Variants in DOCK2 observed in about 807,000 individuals in gnomAD.
DOCK2 encodes dedicator of cytokinesis 2, also known as dedicator of cytokinesis protein 2.
A neutral mutation model predicts 248.9 loss-of-function variants in DOCK2; 87 were observed. The ratio of observed to expected loss-of-function variants is 0.35; its 90% CI spans 0.29 to 0.42. The LOEUF (loss-of-function observed/expected upper bound fraction) is 0.42, where lower values mean the gene tolerates loss of function less well. Ranked by LOEUF, DOCK2 falls within the 10% of genes least tolerant of loss-of-function variation. The pLI is 1.00. For missense variants in DOCK2, 1,747 were observed against 2,300.2 expected, an observed-to-expected ratio of 0.76 and a Z score of 4.92; for synonymous variants, 805 against 821.6, an observed-to-expected ratio of 0.98 and a Z score of 0.35.
chr5:169,925,335 T>C (rs954088642), intron 27 of DOCK2, among the ~76,000 whole-genome samples: 1 of 152,032 alleles, frequency 6.6e-6, no homozygotes. Context: ...GAGCATCGTC[T>C]TGTTGAGAGG....
At chr5:169,963,790 G>A (rs1777187845) in intron 27 of DOCK2, among the ~76,000 whole-genome samples, 1 of 152,014 alleles carries the variant, frequency 6.6e-6, no homozygotes, top group Non-Finnish European at 1.5e-5. Context: ...GCTCTCTAAG[G>A]CCCTGGCTCT....
chr5:170,005,242 T>C (rs1166350830), intron 30 of DOCK2, among the ~76,000 whole-genome samples: 1 of 152,086 alleles, frequency 6.6e-6, no homozygotes, highest in Non-Finnish European at 1.5e-5. Flanking sequence ...TATTCACAGT[T>C]TCCAGGCAGT....
intron 27 of DOCK2, among the ~76,000 whole-genome samples, chr5:169,858,201 A>T (rs1770995876): frequency 6.6e-6 from 1 of 152,244 alleles, no homozygotes; most frequent in Non-Finnish European, 1.5e-5. Flanking sequence ...TTCCTTAGGA[A>T]GACTTCAGTC....
chr5:169,889,241 C>T (rs1355449258), intron 27 of DOCK2, among the ~76,000 whole-genome samples: 1 of 152,232 alleles, frequency 6.6e-6, no homozygotes, highest in Non-Finnish European at 1.5e-5. Context: ...AATTAATTCA[C>T]TTCCAACATT....
At chr5:169,780,295 A>ATG (rs3138738) in intron 25 of DOCK2, among the ~76,000 whole-genome samples, 5,157 of 137,672 alleles carry the variant, frequency 0.037, 107 homozygotes, top group African/African-American at 0.056. Context: ...AACCCAATAA[A>ATG]TGTGTGTGTG....
intron 27 of DOCK2, among the ~76,000 whole-genome samples, chr5:169,976,198 T>A (rs1400377985): frequency 6.6e-6 from 1 of 152,204 alleles, no homozygotes; most frequent in Admixed American, 6.5e-5. Flanking sequence ...GAACAATGAA[T>A]AAATGGACAC....
At chr5:169,743,754 C>G (rs1763455547) in intron 22 of DOCK2, among the ~76,000 whole-genome samples, 1 of 151,114 alleles carries the variant, frequency 6.6e-6, no homozygotes, top group African/African-American at 2.4e-5. Context: ...TCCTGTGACT[C>G]TTCTTCCCAT....
At position 169,681,841 on chromosome 5, in the gene DOCK2, G is replaced by A; in HGVS notation, c.568G>A (p.Ala190Thr). 1 of 1,613,962 alleles carries A rather than the reference G, an allele frequency of 6.2e-7. No individual in the cohort carries two copies. The highest frequency in any genetic ancestry group is 8.5e-7 in the Non-Finnish European group (1 of 1,179,922). ...CAGCTTGTTCCATGCACATGAGGAA[G>A]CAACTGATAAAATCACAGAGCGTAT... is the stretch of plus-strand genomic sequence containing the variant. ...VISLFHAHEEATDKITERIKE... is the reference protein window; with the variant it reads ...VISLFHAHEETTDKITERIKE... Residue 190 changes from alanine (A) to threonine (T), a missense_variant, in exon 7 of 52, where the codon GCA becomes ACA. Around this residue, in one of 4 missense-constraint regions of DOCK2, gnomAD observed 375 missense variants for 510.9 expected, o/e 0.73. Coordinates refer to ENST00000520908, the MANE Select transcript of DOCK2 (RefSeq NM_004946.3).
At chr5:169,647,175 T>G (rs1018664399) in intron 1 of DOCK2, among the ~76,000 whole-genome samples, 2 of 152,236 alleles carry the variant, frequency 1.3e-5, no homozygotes, top group Non-Finnish European at 1.5e-5. Flanking sequence ...CTCTGTAGAA[T>G]GCAAGCTCTA....
intron 27 of DOCK2, among the ~76,000 whole-genome samples, chr5:169,978,265 G>A (rs1326726694): frequency 6.6e-6 from 1 of 151,786 alleles, no homozygotes; most frequent in Non-Finnish European, 1.5e-5. Flanking sequence ...GCATGGGCAG[G>A]CAGCACCCAT....
At chr5:169,999,605 A>T (rs552794307) in intron 30 of DOCK2, among the ~76,000 whole-genome samples, 4 of 152,276 alleles carry the variant, frequency 2.6e-5, no homozygotes, top group African/African-American at 9.6e-5. Context: ...CCAACATTAC[A>T]AAATAAAGTA....
At chr5:170,011,906 G>T (rs1362432368) in intron 32 of DOCK2, among the ~76,000 whole-genome samples, 1 of 152,176 alleles carries the variant, frequency 6.6e-6, no homozygotes, top group Admixed American at 6.5e-5. Flanking sequence ...GAGAATGAAG[G>T]AGCAGGTCTG....
chr5:169,971,949 A>G (rs1777522504), intron 27 of DOCK2, among the ~76,000 whole-genome samples: 1 of 152,186 alleles, frequency 6.6e-6, no homozygotes, highest in Non-Finnish European at 1.5e-5. Flanking sequence ...TTCTCAGTAT[A>G]TATACTACCA....
At chr5:169,924,656 T>TA (rs1388507043) in intron 27 of DOCK2, among the ~76,000 whole-genome samples, 9 of 152,330 alleles carry the variant, frequency 5.9e-5, no homozygotes, top group African/African-American at 2.2e-4. Context: ...CCATCCTGCT[T>TA]AAAAAATGGA....
intron 33 of DOCK2, among the ~76,000 whole-genome samples, chr5:170,025,119 C>T (rs973565882): frequency 3.4e-4 from 51 of 152,234 alleles, no homozygotes; most frequent in African/African-American, 1.1e-3. Context: ...AGTCGAGGGA[C>T]ACAGCACACA....
intron 27 of DOCK2, among the ~76,000 whole-genome samples, chr5:169,898,972 A>G (rs139730570): frequency 5.8e-4 from 88 of 152,302 alleles, no homozygotes; most frequent in African/African-American, 2.0e-3. Flanking sequence ...CCAGAAGTTA[A>G]GAACTCAGTC....
chr5:169,659,761 A>G (rs544626288), intron 2 of DOCK2, among the ~76,000 whole-genome samples: 1 of 152,298 alleles, frequency 6.6e-6, no homozygotes, highest in East Asian at 1.9e-4. Flanking sequence ...CGGCATAAAC[A>G]TTCTGTGTTT....
intron 22 of DOCK2, among the ~76,000 whole-genome samples, chr5:169,743,587 G>A (rs1458279538): frequency 6.6e-6 from 1 of 152,112 alleles, no homozygotes; most frequent in African/African-American, 2.4e-5. Flanking sequence ...ATTTGAATGA[G>A]CATTAGGACT....
At chr5:169,825,502 G>C (rs144613743) in intron 26 of DOCK2, among the ~76,000 whole-genome samples, 41,230 of 147,210 alleles carry the variant, frequency 0.28, 7,737 homozygotes, top group African/African-American at 0.54. Context: ...CCATCATTCT[G>C]AGCAAACTAT....
Sources: gnomAD v4.1 joint callset for allele counts (sites outside exome capture counted in the v4.1 genomes callset) on GRCh38, gnomAD v4.1.1 for gene constraint, gnomAD v4.1.1 regional missense constraint, MANE v1.5 for transcripts, NCBI Gene and HGNC (gene_info 2026-07-23, HGNC 2026-07-21) for gene names.